The following LRP6 variants were observed in gnomAD, a reference collection of about 807,000 sequenced individuals.
LRP6 encodes the protein LDL receptor related protein 6.
Under a neutral mutation model 184.1 loss-of-function variants are expected in LRP6, and 43 were observed. The observed-to-expected ratio is 0.23, with a 90% CI of 0.18 to 0.30. The LOEUF is 0.30. Ranked by LOEUF, LRP6 falls within the 10% of genes least tolerant of loss-of-function variation. The pLI is 1.00. For synonymous variants in LRP6, 719 were observed against 684.9 expected (o/e 1.05, Z -0.78); for missense variants, 1,571 against 2,005.3 (o/e 0.78, Z 4.14).
intron 2 of LRP6, among the ~76,000 whole-genome samples, chr12:12,205,944 T>C (rs1193852788): frequency 6.6e-6 from 1 of 152,198 alleles, no homozygotes; most frequent in Non-Finnish European, 1.5e-5. Flanking sequence ...ATGTATAAAA[T>C]GGTGGTCCTA....
chr12:12,222,348 C>G (rs956331437), intron 2 of LRP6, among the ~76,000 whole-genome samples: 9 of 151,886 alleles, frequency 5.9e-5, no homozygotes, highest in African/African-American at 2.2e-4. Flanking sequence ...GGCGGATCAC[C>G]TGAGGTCAGG....
chr12:12,145,928 G>A (rs1591883813), intron 15 of LRP6, among the ~76,000 whole-genome samples: 1 of 151,838 alleles, frequency 6.6e-6, no homozygotes, highest in African/African-American at 2.4e-5. Context: ...CACCACACCT[G>A]GCCTGAGTTC....
In LRP6 at chr12:12,205,325, C is replaced by CAAAA. The variant is rs1334062234; in HGVS notation, c.450-1926_450-1925insTTTT. On this transcript the variant is annotated intron_variant, in intron 2 of 22. Transcript: ENST00000261349. ...CAACAGAATAAGACTCTGTCTCAAA[C>CAAAA]AAACAAAAAAAAAAAAAAAAAAAAA... 1.3e-3 allele frequency among the ~76,000 whole-genome samples: 35 copies of CAAAA among 26,236 alleles called. 1 individual carries two copies. Among genetic ancestry groups the CAAAA allele is most frequent in the African/African-American group, 3.2e-3 (33 of 10,474 alleles). The allele number at this position is 26,236 out of a possible 152,430, so 17.2% of individuals were successfully genotyped here. A position where few individuals can be genotyped will look rare whatever the true frequency, so the allele number is the denominator to read the frequency against.
intron 2 of LRP6, among the ~76,000 whole-genome samples, chr12:12,229,326 T>C (rs1403756100): frequency 7.1e-6 from 1 of 140,840 alleles, no homozygotes; most frequent in East Asian, 2.1e-4. Flanking sequence ...GCCGAGATCA[T>C]GCCATTGCAC....
intron 1 of LRP6, among the ~76,000 whole-genome samples, chr12:12,249,945 G>T (rs774642990): frequency 6.6e-6 from 1 of 152,050 alleles, no homozygotes; most frequent in African/African-American, 2.4e-5. Flanking sequence ...AGCCATCTTT[G>T]AGCCCCTCCC....
intron 14 of LRP6, 116 bp from the exon 15 acceptor site, chr12:12,147,672 T>C: frequency 2.2e-6 from 2 of 901,354 alleles, no homozygotes; most frequent in Non-Finnish European, 3.5e-6. Flanking sequence ...TTTAAAAGTT[T>C]TAAAATACGT....
chr12:12,226,751 C>T (rs935870612), intron 2 of LRP6: 14 of 152,122 alleles, frequency 9.2e-5, no homozygotes, highest in Admixed American at 7.9e-4. Context: ...GGATGACATG[C>T]AAATTCGTGA....
chr12:12,216,847 C>G (rs1404379064), intron 2 of LRP6, among the ~76,000 whole-genome samples: 2 of 149,862 alleles, frequency 1.3e-5, no homozygotes, highest in African/African-American at 2.5e-5. Flanking sequence ...CCCCCTCCCT[C>G]CCCCTGCCCC....
At chr12:12,197,482 GAAAC>G (rs1225683928) in intron 3 of LRP6, among the ~76,000 whole-genome samples, 1 of 152,132 alleles carries the variant, frequency 6.6e-6, no homozygotes, top group Non-Finnish European at 1.5e-5. Context: ...TCACAGTCAG[GAAAC>G]AAACAAACAC....
intron 9 of LRP6, among the ~76,000 whole-genome samples, chr12:12,163,904 C>A (rs745788134): frequency 2.6e-5 from 4 of 152,136 alleles, no homozygotes. Flanking sequence ...GAGGACGAAG[C>A]GGGCGGATCA....
chr12:12,141,649 T>C (rs934254250), intron 15 of LRP6, among the ~76,000 whole-genome samples: 1 of 151,948 alleles, frequency 6.6e-6, no homozygotes, highest in Non-Finnish European at 1.5e-5. Context: ...ACCAAGCAAA[T>C]CCAGACTGCA....
chr12:12,250,767 C>A (rs1172075008), intron 1 of LRP6, among the ~76,000 whole-genome samples: 1 of 151,796 alleles, frequency 6.6e-6, no homozygotes, highest in African/African-American at 2.4e-5. Flanking sequence ...GGACTACAGG[C>A]GCCCAACACC....
Position 12,126,897 on chromosome 12 carries a change from T to C in LRP6, c.4106A>G (p.Gln1369Arg), listed in dbSNP as rs149660386. 1.9e-4 allele frequency: 306 copies of C among 1,614,152 alleles called. No individual in the cohort carries two copies. The African/African-American group carries it at 3.5e-3, about 19-fold the overall frequency. Residue 1369 changes from glutamine (Q) to arginine (R), a missense_variant, in exon 20 of 23, where the codon CAG (glutamine) becomes CGG (arginine). Gln to Arg is a conservative substitution (Grantham distance 43, BLOSUM62 1). Around this residue, in one of 4 missense-constraint regions of LRP6, gnomAD observed 763 missense variants for 859.5 expected, o/e 0.89. Transcript: ENST00000261349. ...DCYPTEEPAP[Q>R]ATNTVGSVIG... ...AACAGAACCAACTGTATTGGTGGCCTGTGGTGCTGGTTCTTCAGTCGGATC... is the reference window on the plus strand; with the variant it reads ...AACAGAACCAACTGTATTGGTGGCCCGTGGTGCTGGTTCTTCAGTCGGATC...
At position 12,165,096 on chromosome 12, in the gene LRP6, T is replaced by C; in HGVS notation, c.1745A>G (p.Asn582Ser). The change falls in exon 8 of 23, where the codon AAT becomes AGT. Residue 582 changes from asparagine (N) to serine (S), a missense_variant. Physicochemically the swap from Asn to Ser is conservative, Grantham distance 46. Coordinates refer to ENST00000261349, the MANE Select transcript of LRP6 (RefSeq NM_002336.3). The part of the protein sequence containing the change: ...LPDLMGLKAT[N>S]VHRVIGSNPC... ...TTACTCACCAATCACTCGATGAACA[T>C]TTGTAGCCTTTAGGCCCATGAGGTC... is the stretch of plus-strand genomic sequence containing the variant. 1 of 1,613,914 alleles carries C rather than the reference T, an allele frequency of 6.2e-7. No homozygotes were observed. Among genetic ancestry groups the C allele is most frequent in the South Asian group, 1.1e-5 (1 of 91,078 alleles).
chr12:12,122,487 C>T (rs1484181892), intron 22 of LRP6, among the ~76,000 whole-genome samples: 1 of 152,174 alleles, frequency 6.6e-6, no homozygotes. Context: ...ACCCAGGATA[C>T]AAACCATTTG....
chr12:12,172,328 A>G (rs887026047), intron 7 of LRP6, among the ~76,000 whole-genome samples: 3 of 152,242 alleles, frequency 2.0e-5, no homozygotes, highest in Non-Finnish European at 2.9e-5. Context: ...TTATCTGCAC[A>G]AAGAAGAAGT....
Position 12,187,017 on chromosome 12 carries a change from G to A in LRP6, c.750C>T (p.Cys250=), listed in dbSNP as rs1169527345. 5 of 1,614,100 alleles carry A rather than the reference G, an allele frequency of 3.1e-6. No homozygotes were observed. The highest frequency in any genetic ancestry group is 3.4e-6 in the Non-Finnish European group (4 of 1,179,986). The part of the protein sequence containing the change: ...TDWSTHSILA[C]NKYTGEGLRE... ...GCAGACCCTCACCAGTATACTTGTT[G>A]CAAGCCAAAATGGAGTGTGTGCTCC... Residue 250 remains cysteine, a synonymous_variant, in exon 4 of 23, where the codon TGC becomes TGT. Coordinates refer to ENST00000261349, the MANE Select transcript of LRP6 (RefSeq NM_002336.3).
intron 3 of LRP6, among the ~76,000 whole-genome samples, chr12:12,189,252 C>A (rs750270103): frequency 6.6e-6 from 1 of 152,162 alleles, no homozygotes; most frequent in Non-Finnish European, 1.5e-5. Flanking sequence ...CATCTGTCAA[C>A]GGAAGGTAAT....
At chr12:12,248,380 C>G (rs753745033) in intron 1 of LRP6, among the ~76,000 whole-genome samples, 1 of 150,992 alleles carries the variant, frequency 6.6e-6, no homozygotes, top group African/African-American at 2.4e-5. Flanking sequence ...AGCTATTACT[C>G]TTTTATCTAA....
Sources: allele counts gnomAD v4.1 joint callset (sites outside exome capture counted in the v4.1 genomes callset), GRCh38; gene constraint gnomAD v4.1.1; regional missense constraint gnomAD v4.1.1; transcripts MANE v1.5; gene names NCBI Gene and HGNC (gene_info 2026-07-23, HGNC 2026-07-21).